Variants in PWWP2A observed in about 807,000 individuals in gnomAD.
The protein encoded by PWWP2A is PWWP domain-containing protein 2A.
Under a neutral mutation model 48.5 loss-of-function variants are expected in PWWP2A, and 18 were observed. The observed-to-expected ratio is 0.37, with a 90% CI of 0.26 to 0.55. The LOEUF (loss-of-function observed/expected upper bound fraction) is 0.55. PWWP2A is among the 20% of genes least tolerant of loss of function. The probability of loss-of-function intolerance (pLI) is 0.81; values close to 1 mark genes in which losing one functional copy is unlikely to be tolerated. For missense variants in PWWP2A, 867 were observed against 976.4 expected (o/e 0.89, Z 1.49); for synonymous variants, 396 against 387.7 (o/e 1.02, Z -0.25).
intron 4 of PWWP2A, among the ~76,000 whole-genome samples, chr5:160,064,517 G>T (rs1163254833): frequency 6.6e-6 from 1 of 152,236 alleles, no homozygotes; most frequent in Non-Finnish European, 1.5e-5. Context: ...AGAGAGAAGA[G>T]ACTTGGAGGG....
chr5:160,087,141 G>A (rs1754702342), downstream of PWWP2A, among the ~76,000 whole-genome samples: 1 of 152,108 alleles, frequency 6.6e-6, no homozygotes, highest in Non-Finnish European at 1.5e-5. Flanking sequence ...CTTTGTTGGG[G>A]GCCAAGACGA....
chr5:160,061,051 G>A (rs1271216460), downstream of PWWP2A, among the ~76,000 whole-genome samples: 2 of 152,236 alleles, frequency 1.3e-5, no homozygotes, highest in African/African-American at 2.4e-5. Flanking sequence ...CAAGCTGTCA[G>A]TGGCCTCCTG....
At chr5:160,090,545 GT>G, downstream of PWWP2A, 1 of 983,510 alleles carries the variant, frequency 1.0e-6, no homozygotes, top group Non-Finnish European at 1.2e-6. Context: ...AGTGAAACAT[GT>G]TTTCAAAATG....
intron 1 of PWWP2A, among the ~76,000 whole-genome samples, chr5:160,102,384 C>T (rs886626995): frequency 2.6e-5 from 3 of 117,390 alleles, no homozygotes; most frequent in Non-Finnish European, 4.9e-5. Context: ...GGCAACCAGG[C>T]GAGACTCCAT....
At chr5:160,104,569 C>G (rs2431734) in intron 1 of PWWP2A, among the ~76,000 whole-genome samples, 102,206 of 151,996 alleles carry the variant, frequency 0.67, 34,378 homozygotes, top group East Asian at 0.73. Flanking sequence ...TTGGGAGGCT[C>G]AGGCGGGTGG....
chr5:160,112,933 G>T (rs546953171), intron 1 of PWWP2A, among the ~76,000 whole-genome samples: 2 of 152,140 alleles, frequency 1.3e-5, no homozygotes, highest in Admixed American at 1.3e-4. Context: ...CGAGGAGGAG[G>T]ATTACCTGAG....
At chr5:160,046,946 AG>A in the PWWP2A span, among the ~76,000 whole-genome samples, 1 of 152,148 alleles carries the variant, frequency 6.6e-6, no homozygotes, top group Non-Finnish European at 1.5e-5. Flanking sequence ...TGGGAGGTGG[AG>A]GTTGCAGTGA....
chr5:160,104,404 C>A (rs1003913313), intron 1 of PWWP2A, among the ~76,000 whole-genome samples: 3 of 150,778 alleles, frequency 2.0e-5, no homozygotes, highest in Admixed American at 6.6e-5. Context: ...GCACTCCAGG[C>A]GGGATGACAG....
At chr5:160,047,923 ATACC>A in the PWWP2A span, among the ~76,000 whole-genome samples, 28 of 152,244 alleles carry the variant, frequency 1.8e-4, no homozygotes, top group Middle Eastern at 3.4e-3. Context: ...TTGAAATTAT[ATACC>A]TGTCTGTTCT....
chr5:160,057,443 A>G (rs1298777905), downstream of PWWP2A, among the ~76,000 whole-genome samples: 1 of 151,946 alleles, frequency 6.6e-6, no homozygotes, highest in East Asian at 1.9e-4. The surrounding 1 kb of genome is among the most constrained non-coding windows in gnomAD (Gnocchi z 4.4). Flanking sequence ...TTTAAAATAC[A>G]TTATTAAAAA....
chr5:160,070,149 C>T (rs986493179), intron 2 of PWWP2A, among the ~76,000 whole-genome samples: 2 of 152,108 alleles, frequency 1.3e-5, no homozygotes, highest in Non-Finnish European at 2.9e-5. Flanking sequence ...GTTAAATTCA[C>T]CTATTTTAAA....
intron 1 of PWWP2A, among the ~76,000 whole-genome samples, chr5:160,109,011 T>G (rs983639546): frequency 3.9e-5 from 6 of 151,974 alleles, no homozygotes; most frequent in Non-Finnish European, 8.8e-5. Flanking sequence ...TCAGATAGAG[T>G]CTCACTCTGT....
rs369446942 is a variant in PWWP2A, at chr5:160,082,285, A to G, written c.1550-1515T>C. Among the ~76,000 whole-genome samples the G allele has an allele frequency of 5.9e-5, 9 of 152,028 alleles. No homozygotes were observed. In the South Asian group the frequency reaches 1.9e-3, roughly 32 times the overall value. ...CGGTGAAACCCCGTCTCTACTAAAA[A>G]TACAAAAAATTAGCCGGGCGTGGTA... On this transcript the variant is annotated intron_variant, in intron 2 of 3. Coordinates refer to the PWWP2A transcript ENST00000456329.
At chr5:160,100,554 G>T (rs1756165985) in intron 1 of PWWP2A, among the ~76,000 whole-genome samples, 1 of 152,148 alleles carries the variant, frequency 6.6e-6, no homozygotes, top group Non-Finnish European at 1.5e-5. Flanking sequence ...ATAGCTTCAG[G>T]CCAGGAGTTC....
chr5:160,049,707 G>A, the PWWP2A span: 3 of 1,427,916 alleles, frequency 2.1e-6, no homozygotes, highest in East Asian at 5.1e-5. Context: ...TATTCTTTGT[G>A]TTGCTACCCA....
chr5:160,103,045 G>A (rs1229189190), intron 1 of PWWP2A, among the ~76,000 whole-genome samples: 1 of 152,050 alleles, frequency 6.6e-6, no homozygotes, highest in African/African-American at 2.4e-5. Context: ...TTTGATCTTA[G>A]AAAAGAAATG....
downstream of PWWP2A, chr5:160,090,164 AATC>A: frequency 1.0e-6 from 1 of 985,206 alleles, no homozygotes; most frequent in Non-Finnish European, 1.2e-6. Context: ...TATATTCAAC[AATC>A]ATGTTTTTTT....
In PWWP2A at chr5:160,091,462, A is replaced by G; in HGVS notation, c.*920T>C. ...CTGCAAACAGATACCTTAAACGGAA[A>G]TTATTTTGTTTTAATTATCAAATTA... On this transcript the variant is annotated 3_prime_UTR_variant, in exon 2 of 2. Coordinates refer to ENST00000307063, the MANE Select transcript of PWWP2A (RefSeq NM_001130864.2). 1.0e-6 allele frequency: 1 copy of G among 978,652 alleles called. No homozygotes were observed. The highest frequency in any genetic ancestry group is 1.2e-6 in the Non-Finnish European group (1 of 826,052). The allele number at this position is 978,652 out of a possible 1,614,324, so 60.6% of individuals were successfully genotyped here. A position where few individuals can be genotyped will look rare whatever the true frequency, so the allele number is the denominator to read the frequency against.
In PWWP2A at chr5:160,091,838, G is replaced by A. The variant is rs959530591; in HGVS notation, c.*544C>T. The stretch of plus-strand genomic sequence containing the variant: ...TTTACACCATTATGCGCATAGAAAG[G>A]CTAAGTGTTCATTATTTAAAAAACA... On this transcript the variant is annotated 3_prime_UTR_variant, in exon 2 of 2. Transcript: ENST00000307063. The A allele has an allele frequency of 1.0e-6, 1 of 984,844 alleles. No individual in the cohort carries two copies. Among genetic ancestry groups the A allele is most frequent in the South Asian group, 4.7e-5 (1 of 21,248 alleles). 61.0% of individuals were successfully genotyped at this position (984,844 alleles called of 1,614,324 possible). A position where few individuals can be genotyped will look rare whatever the true frequency, so the allele number is the denominator to read the frequency against.
Sources: gnomAD v4.1 joint callset for allele counts (sites outside exome capture counted in the v4.1 genomes callset) on GRCh38, gnomAD v4.1.1 for gene constraint, Gnocchi (gnomAD v3.1) non-coding constraint, MANE v1.5 for transcripts, NCBI Gene and HGNC (gene_info 2026-07-23, HGNC 2026-07-21) for gene names.